The following SMPD4 variants were observed in gnomAD, a reference collection of about 807,000 sequenced individuals.
SMPD4 encodes sphingomyelin phosphodiesterase 4.
In SMPD4, 58 loss-of-function variants were observed where a neutral mutation model predicts 97.8. The ratio of observed to expected loss-of-function variants is 0.59; its 90% CI spans 0.48 to 0.74. The LOEUF is 0.74. Ranked by LOEUF, SMPD4 falls within the 30% of genes least tolerant of loss-of-function variation. SMPD4 has a pLI of 0.00. For synonymous variants in SMPD4, 388 were observed against 450.0 expected, an observed-to-expected ratio of 0.86 and a Z score of 1.74; for missense variants, 853 against 1,080.5, an observed-to-expected ratio of 0.79 and a Z score of 2.95.
chr2:130,156,141 G>T lies in SMPD4; in HGVS notation c.1189-6C>A, dbSNP rs773815338. 2 of 1,607,102 alleles carry T rather than the reference G, an allele frequency of 1.2e-6. No individual in the cohort carries two copies. The highest frequency in any genetic ancestry group is 1.3e-5 in the African/African-American group (1 of 74,792). On this transcript the variant is annotated splice_polypyrimidine_tract_variant and splice_region_variant and intron_variant, in intron 13 of 19. Transcript: ENST00000680298. Reference sequence around the variant, plus strand: ...CTCAGCCACATCTCCAGGACCTGTGGGGGAGGTGTGTGCTAAGGGCTCCGT... The same window carrying T: ...CTCAGCCACATCTCCAGGACCTGTGTGGGAGGTGTGTGCTAAGGGCTCCGT...
In SMPD4 at chr2:130,152,323, G is replaced by A. The variant is rs190145618; in HGVS notation, c.*232C>T. The A allele has an allele frequency of 2.9e-4, 159 of 555,090 alleles. No individual in the cohort carries two copies. Among genetic ancestry groups the A allele is most frequent in the African/African-American group, 7.5e-4 (40 of 53,190 alleles). 34.4% of individuals were successfully genotyped at this position (555,090 alleles called of 1,614,324 possible). ...GGGAAAGGCCGCCGCTGAGCTCTGCGCTGTCACAGAGCGTAGCTGTTGAGC... is the reference window on the plus strand; with the variant it reads ...GGGAAAGGCCGCCGCTGAGCTCTGCACTGTCACAGAGCGTAGCTGTTGAGC... On this transcript the variant is annotated 3_prime_UTR_variant, in exon 20 of 20. Coordinates refer to ENST00000680298, the MANE Select transcript of SMPD4 (RefSeq NM_017951.5).
chr2:130,181,504 T>A, intron 1 of SMPD4, 26 bp downstream of exon 1: 1 of 1,590,588 alleles, frequency 6.3e-7, no homozygotes, highest in Non-Finnish European at 8.5e-7. Context: ...CCGGACCGTC[T>A]CAGGCGCGCA....
In SMPD4 at chr2:130,152,856, G is replaced by T. The variant is rs780485353; in HGVS notation, c.2183C>A (p.Ser728Tyr). ...RFAGQMAALC[S>Y]RDDFLGSFCR... ...GAAGCTGCCGAGGAAGTCATCCCGG[G>T]AACACAGAGCCGCCATCTGTCCTGC... Residue 728 changes from serine (S) to tyrosine (Y), a missense_variant, in exon 20 of 20, where the codon TCC (serine) becomes TAC (tyrosine). Around this residue, in one of 3 missense-constraint regions of SMPD4, gnomAD observed 511 missense variants for 608.1 expected, o/e 0.84. Transcript: ENST00000680298. The T allele has an allele frequency of 3.1e-5, 49 of 1,588,788 alleles. No homozygotes were observed. Among genetic ancestry groups the T allele is most frequent in the Non-Finnish European group, 4.0e-5 (47 of 1,165,722 alleles).
intron 8 of SMPD4, among the ~76,000 whole-genome samples, chr2:130,170,035 C>T (rs113086114): frequency 0.14 from 17,362 of 125,102 alleles, no homozygotes; most frequent in East Asian, 0.42. Context: ...CCCATATCTC[C>T]GCAAAAAAAA....
intron 1 of SMPD4, chr2:130,181,151 T>C (rs1227286327): frequency 1.7e-5 from 10 of 604,944 alleles, no homozygotes; most frequent in Non-Finnish European, 2.0e-5. Context: ...CTCGGAGATG[T>C]GGAGCACACA....
rs914350114 is a variant in SMPD4 at position 130,173,169 on chromosome 2, G to A, written c.345+110C>T. On this transcript the variant is annotated intron_variant, in intron 5 of 19. Coordinates refer to ENST00000680298, the MANE Select transcript of SMPD4 (RefSeq NM_017951.5). Reference sequence around the variant, plus strand: ...CCTTTGCCTCTCACACCCCTGGAACGAATCGCTCCTCAATTTGCCCTCAGA... The same window carrying A: ...CCTTTGCCTCTCACACCCCTGGAACAAATCGCTCCTCAATTTGCCCTCAGA... The A allele has an allele frequency of 9.0e-5, 103 of 1,142,816 alleles. No individual in the cohort carries two copies. In the East Asian group the frequency reaches 1.3e-3, roughly 14 times the overall value. 70.8% of individuals were successfully genotyped at this position (1,142,816 alleles called of 1,614,324 possible).
At position 130,155,123 on chromosome 2, in the gene SMPD4, G is replaced by A. The variant is rs1359754907; in HGVS notation, c.1426C>T (p.Pro476Ser). 1 of 1,614,206 alleles carries A rather than the reference G, an allele frequency of 6.2e-7. No individual in the cohort carries two copies. The highest frequency in any genetic ancestry group is 8.5e-7 in the Non-Finnish European group (1 of 1,180,044). The change falls in exon 15 of 20, where the codon CCC becomes TCC. Residue 476 changes from proline (P) to serine (S), a missense_variant. Pro to Ser is a moderately conservative substitution (Grantham distance 74). Around this residue, in one of 3 missense-constraint regions of SMPD4, gnomAD observed 511 missense variants for 608.1 expected, o/e 0.84. Coordinates refer to ENST00000680298, the MANE Select transcript of SMPD4 (RefSeq NM_017951.5). ...VFRVAKVFAQ[P>S]NLAEMIQKGE... ...TTCTGAATCATCTCAGCCAGGTTGG[G>A]CTGGGCAAAGACTTTGGCCACTCGG...
At chr2:130,167,963 G>A (rs1688090041) in intron 8 of SMPD4, among the ~76,000 whole-genome samples, 1 of 152,214 alleles carries the variant, frequency 6.6e-6, no homozygotes, top group South Asian at 2.1e-4. Flanking sequence ...CACCTTGGGA[G>A]ACCAAGGCAG....
Position 130,157,122 on chromosome 2 carries a change from G to C in SMPD4, c.1097+129C>G. 1.6e-5 allele frequency: 13 copies of C among 794,298 alleles called. No homozygotes were observed. The South Asian group carries it at 2.2e-4, about 13-fold the overall frequency. The allele number at this position is 794,298 out of a possible 1,614,324, so 49.2% of individuals were successfully genotyped here. On this transcript the variant is annotated intron_variant, in intron 12 of 19. Coordinates refer to ENST00000680298, the MANE Select transcript of SMPD4 (RefSeq NM_017951.5). The stretch of plus-strand genomic sequence containing the variant: ...GCCTAGGCCTGGAGAGGCCTCACGT[G>C]CTCTGTGAACAGAAAGGGACTCCCC...
chr2:130,152,294 G>T lies in SMPD4; in HGVS notation c.*261C>A. On this transcript the variant is annotated 3_prime_UTR_variant, in exon 20 of 20. Transcript: ENST00000680298. ...GGCTTGGCCGTGAGTCCTTGGCGGAGGGAGGGAAAGGCCGCCGCTGAGCTC... is the reference window on the plus strand; with the variant it reads ...GGCTTGGCCGTGAGTCCTTGGCGGATGGAGGGAAAGGCCGCCGCTGAGCTC... The T allele has an allele frequency of 2.3e-6, 1 of 426,830 alleles. No individual in the cohort carries two copies. Among genetic ancestry groups the T allele is most frequent in the Non-Finnish European group, 4.2e-6 (1 of 239,900 alleles). 26.4% of individuals were successfully genotyped at this position (426,830 alleles called of 1,614,324 possible).
chr2:130,177,764 T>A (rs1689110176), intron 1 of SMPD4, among the ~76,000 whole-genome samples: 1 of 151,968 alleles, frequency 6.6e-6, no homozygotes, highest in South Asian at 2.1e-4. Flanking sequence ...CAGAGCCAAG[T>A]TTGTAGTACT....
chr2:130,172,660 T>G lies in SMPD4; in HGVS notation c.472A>C (p.Ile158Leu), dbSNP rs765156165. The change falls in exon 7 of 20, where the codon ATA becomes CTA. Residue 158 changes from isoleucine (I) to leucine (L), a missense_variant. Around this residue, in one of 3 missense-constraint regions of SMPD4, gnomAD observed 313 missense variants for 402.2 expected, o/e 0.78. Coordinates refer to ENST00000680298, the MANE Select transcript of SMPD4 (RefSeq NM_017951.5). ...NLALNPFEYY[I>L]FFFALSLITQ... is the part of the protein sequence containing the mutation. ...ATGAGGCTCAAGGCAAAGAAGAATA[T>G]GTAATACTCGAACGGATCTGAGAGC... The G allele has an allele frequency of 1.9e-6, 3 of 1,614,056 alleles. No individual in the cohort carries two copies. Among genetic ancestry groups the G allele is most frequent in the Non-Finnish European group, 2.5e-6 (3 of 1,180,046 alleles).
chr2:130,181,592 A>C lies in SMPD4; in HGVS notation c.-108T>G, dbSNP rs79372127. 201 of 1,603,630 alleles carry C rather than the reference A, an allele frequency of 1.3e-4. 1 individual carries two copies. The African/African-American group carries it at 2.3e-3, about 19-fold the overall frequency. On this transcript the variant is annotated 5_prime_UTR_variant, in exon 1 of 20. Coordinates refer to ENST00000680298, the MANE Select transcript of SMPD4 (RefSeq NM_017951.5). ...AGCCGCCATTCCGCCACGGCGCCGA[A>C]AGTCGTCATCAAGCTGCGCGCAGAG...
chr2:130,170,956 G>A (rs1324751712), intron 8 of SMPD4, among the ~76,000 whole-genome samples: 13 of 151,842 alleles, frequency 8.6e-5, no homozygotes, highest in Admixed American at 2.6e-4. Flanking sequence ...AGCTACTTGC[G>A]AGGCTGAGGT....
chr2:130,153,864 C>T lies in SMPD4; in HGVS notation c.1731G>A (p.Glu577=). ...AGAGGAAGGAGTGGCCAGCCGGGCT[C>T]TCCGCACACTGGTCGGAGATGGACT... ...TAKSISDQCA[E]SPAGHSFLSW... The change falls in exon 17 of 20, where the codon GAG becomes GAA. Residue 577 remains glutamate, a synonymous_variant. Transcript: ENST00000680298. 1 of 1,613,920 alleles carries T rather than the reference C, an allele frequency of 6.2e-7. No homozygotes were observed. Among genetic ancestry groups the T allele is most frequent in the Non-Finnish European group, 8.5e-7 (1 of 1,179,878 alleles).
chr2:130,178,598 C>G (rs1330614458), intron 1 of SMPD4, among the ~76,000 whole-genome samples: 1 of 152,008 alleles, frequency 6.6e-6, no homozygotes, highest in Admixed American at 6.6e-5. Flanking sequence ...AGTTTGAGAC[C>G]AGTCTGGCCA....
intron 15 of SMPD4, 84 bp from the exon 16 acceptor site, chr2:130,154,566 G>A (rs1445984761): frequency 2.6e-6 from 4 of 1,540,898 alleles, no homozygotes; most frequent in Non-Finnish European, 3.5e-6. Flanking sequence ...GGGTGTCTCT[G>A]AGGTGTCTGG....
At chr2:130,170,258 AG>A (rs1025649193) in intron 8 of SMPD4, among the ~76,000 whole-genome samples, 1 of 151,538 alleles carries the variant, frequency 6.6e-6, no homozygotes, top group African/African-American at 2.4e-5. Context: ...GGGTCGAGGC[AG>A]GCAGATCACT....
rs778124637 is a variant in SMPD4 at position 130,161,260 on chromosome 2, G to A, written c.877C>T (p.His293Tyr). 1.4e-5 allele frequency: 23 copies of A among 1,614,014 alleles called. No individual in the cohort carries two copies. In the East Asian group the frequency reaches 4.9e-4, roughly 34 times the overall value. ...QSPHAKLEVL[H>Y]YRLSVSSALY... ...GCGCTGGAGACACTGAGTCGGTAGT[G>A]CAGAACCTCCAGCTGAGATAAGAAA... The change falls in exon 11 of 20, where the codon CAC (histidine) becomes TAC (tyrosine). Residue 293 changes from histidine to tyrosine, a missense_variant. Physicochemically the swap from His to Tyr is moderately conservative, Grantham distance 83 (BLOSUM62 2). Transcript: ENST00000680298.
Sources: allele counts gnomAD v4.1 joint callset (sites outside exome capture counted in the v4.1 genomes callset), GRCh38; gene constraint gnomAD v4.1.1; regional missense constraint gnomAD v4.1.1; transcripts MANE v1.5; gene names NCBI Gene and HGNC (gene_info 2026-07-23, HGNC 2026-07-21).